Variants in PSMF1 observed in about 807,000 individuals in gnomAD.
PSMF1 encodes proteasome inhibitor PI31 subunit.
A neutral mutation model predicts 29.3 loss-of-function variants in PSMF1; 30 were observed. That is an observed-to-expected ratio of 1.02 (90% confidence interval 0.77 to 1.39). The LOEUF (loss-of-function observed/expected upper bound fraction) is 1.39, where lower values mean the gene tolerates loss of function less well. Ranked by LOEUF, PSMF1 falls within the 40% of genes most tolerant of loss-of-function variation. The probability of loss-of-function intolerance (pLI) is 0.00; values close to 1 mark genes in which losing one functional copy is unlikely to be tolerated. For missense variants in PSMF1, 344 were observed against 357.5 expected, an observed-to-expected ratio of 0.96 and a Z score of 0.31; for synonymous variants, 134 against 139.7, an observed-to-expected ratio of 0.96 and a Z score of 0.29.
In PSMF1 at chr20:1,170,457, A is replaced by G. The variant is rs1017693353; in HGVS notation, c.*5377A>G. On this transcript the variant is annotated 3_prime_UTR_variant, in exon 7 of 7. Transcript: ENST00000335877. ...CCCATGGGTCACTTAGATGTGTTTC[A>G]TGTTATCTTTAAAAATGCAGCACCT... 7.2e-5 allele frequency among the ~76,000 whole-genome samples: 11 copies of G among 152,146 alleles called. No individual in the cohort carries two copies. The highest frequency in any genetic ancestry group is 2.7e-4 in the African/African-American group (11 of 41,420).
chr20:1,140,154 C>G (rs533036200), intron 4 of PSMF1, among the ~76,000 whole-genome samples: 1 of 152,146 alleles, frequency 6.6e-6, no homozygotes, highest in Non-Finnish European at 1.5e-5. Context: ...CTAAAACAAT[C>G]TCAAAGAAAA....
chr20:1,118,564 C>G (rs1043681301), upstream of PSMF1: 29 of 510,294 alleles, frequency 5.7e-5, no homozygotes, highest in Non-Finnish European at 9.3e-5. Flanking sequence ...CAACCCGGCG[C>G]GCCTCACGCA....
intron 3 of PSMF1, among the ~76,000 whole-genome samples, chr20:1,129,060 T>C (rs761879338): frequency 4.6e-5 from 7 of 152,124 alleles, no homozygotes; most frequent in African/African-American, 1.7e-4. Flanking sequence ...TTTTGTATTT[T>C]AGTAGAGATG....
In PSMF1 at chr20:1,118,793, T is replaced by C. The variant is rs11557004; in HGVS notation, c.20T>C (p.Leu7Pro). 1 of 1,612,830 alleles carries C rather than the reference T, an allele frequency of 6.2e-7. No individual in the cohort carries two copies. Among genetic ancestry groups the C allele is most frequent in the Non-Finnish European group, 8.5e-7 (1 of 1,179,438 alleles). The stretch of plus-strand genomic sequence containing the variant: ...GCGCTCATGGCGGGCCTGGAGGTAC[T>C]GTTCGCATCGGCAGCGCCGGCCATC... Reference protein sequence around the residue: MAGLEVLFASAAPAITC... With the variant: MAGLEVPFASAAPAITC... The change falls in exon 1 of 7, where the codon CTG (leucine) becomes CCG (proline). Residue 7 changes from leucine (L) to proline (P), a missense_variant. By Grantham distance (98) the Leu-to-Pro change is moderately conservative (BLOSUM62 -3). Coordinates refer to ENST00000335877, the MANE Select transcript of PSMF1 (RefSeq NM_006814.5).
At chr20:1,118,985 C>T in intron 1 of PSMF1, 83 bp downstream of exon 1, 1 of 1,513,580 alleles carries the variant, frequency 6.6e-7, no homozygotes, top group Non-Finnish European at 9.0e-7. Flanking sequence ...TCCAGAGCGC[C>T]CGATTTCCCC....
At chr20:1,118,035 G>C (rs1439222456), upstream of PSMF1, 1 of 152,220 alleles carries the variant, frequency 6.6e-6, no homozygotes, top group Non-Finnish European at 1.5e-5. Flanking sequence ...GAGTTGTTGA[G>C]AGGGTGATGT....
chr20:1,122,866 C>G (rs1284396892), intron 1 of PSMF1, among the ~76,000 whole-genome samples: 1 of 152,084 alleles, frequency 6.6e-6, no homozygotes, highest in East Asian at 1.9e-4. Flanking sequence ...GGTGAGCAGA[C>G]CAAATTGTTT....
chr20:1,124,535 C>T (rs1600141188), intron 1 of PSMF1, among the ~76,000 whole-genome samples: 1 of 128,232 alleles, frequency 7.8e-6, no homozygotes. Flanking sequence ...AGCTTTTCCT[C>T]CATGCATACT....
At chr20:1,139,758 C>T (rs1435934496) in intron 4 of PSMF1, among the ~76,000 whole-genome samples, 262 of 7,490 alleles carry the variant, frequency 0.035, 2 homozygotes, top group Non-Finnish European at 0.062. Flanking sequence ...AAAAAAAAAA[C>T]GATAAAAATC....
rs2086700282 is a variant in PSMF1 at position 1,164,219 on chromosome 20, G to A, written c.606-99G>A. 1.6e-6 allele frequency: 2 copies of A among 1,270,210 alleles called. No individual in the cohort carries two copies. The highest frequency in any genetic ancestry group is 2.3e-6 in the Non-Finnish European group (2 of 879,066). The allele number at this position is 1,270,210 out of a possible 1,614,324, so 78.7% of individuals were successfully genotyped here. Reference sequence around the variant, plus strand: ...ATGTCTGCTTGGGCCATCCAGAGTAGACATCCCAGCCATTCTTGGTGCATT... The same window carrying A: ...ATGTCTGCTTGGGCCATCCAGAGTAAACATCCCAGCCATTCTTGGTGCATT... On this transcript the variant is annotated intron_variant, in intron 5 of 6. Transcript: ENST00000335877. This position sits in a 1 kb window ranked among gnomAD's most constrained non-coding sequence, Gnocchi z 4.1.
In PSMF1 at chr20:1,172,246, A is replaced by G. The variant is rs1030841015; in HGVS notation, c.*7166A>G. On this transcript the variant is annotated 3_prime_UTR_variant, in exon 7 of 7. Coordinates refer to ENST00000335877, the MANE Select transcript of PSMF1 (RefSeq NM_006814.5). Reference sequence around the variant, plus strand: ...TAAATTTGATAAGATGCATGATGGCAGCTATTAGAGTTTTGACTCTGTTCT... The same window carrying G: ...TAAATTTGATAAGATGCATGATGGCGGCTATTAGAGTTTTGACTCTGTTCT... Among the ~76,000 whole-genome samples the G allele has an allele frequency of 6.6e-6, 1 of 152,248 alleles. No homozygotes were observed. The highest frequency in any genetic ancestry group is 1.5e-5 in the Non-Finnish European group (1 of 68,042).
chr20:1,119,312 C>T (rs570086149), intron 1 of PSMF1, among the ~76,000 whole-genome samples: 18 of 152,252 alleles, frequency 1.2e-4, no homozygotes, highest in Admixed American at 1.2e-3. Context: ...CTCAGTTCCG[C>T]CCTCATACCA....
rs1600180329 is a variant in PSMF1, at chr20:1,167,317, A to T, written c.*2237A>T. 6.7e-6 allele frequency: 1 copy of T among 149,396 alleles called. No homozygotes were observed. The highest frequency in any genetic ancestry group is 2.6e-5 in the African/African-American group (1 of 38,768). The allele number at this position is 149,396 out of a possible 1,614,324, so 9.3% of individuals were successfully genotyped here. A position where few individuals can be genotyped will look rare whatever the true frequency, so the allele number is the denominator to read the frequency against. On this transcript the variant is annotated 3_prime_UTR_variant, in exon 7 of 7. Coordinates refer to ENST00000335877, the MANE Select transcript of PSMF1 (RefSeq NM_006814.5). ...GCCTTAACAATAAACATCAGCACTA[A>T]GTGACCTGTTCCTCCTTTTTTAAAT... is the stretch of plus-strand genomic sequence containing the variant.
chr20:1,161,630 C>G, intron 4 of PSMF1: 2 of 677,532 alleles, frequency 3.0e-6, no homozygotes. Flanking sequence ...CACCTTCCAG[C>G]AGATGTGGAT....
chr20:1,147,715 C>T (rs2086472402), intron 4 of PSMF1, among the ~76,000 whole-genome samples: 1 of 152,186 alleles, frequency 6.6e-6, no homozygotes, highest in African/African-American at 2.4e-5. Context: ...CCTGCTTATT[C>T]CTTGGCCAGC....
chr20:1,138,512 G>A (rs532522931), intron 4 of PSMF1, among the ~76,000 whole-genome samples: 1 of 105,040 alleles, frequency 9.5e-6, no homozygotes, highest in African/African-American at 4.2e-5. Context: ...AACAGAGACT[G>A]CATCTCAAAA....
At chr20:1,128,977 G>A (rs1348959264) in intron 3 of PSMF1, among the ~76,000 whole-genome samples, 7 of 152,192 alleles carry the variant, frequency 4.6e-5, no homozygotes, top group South Asian at 2.1e-4. Flanking sequence ...CCGGGTTCAC[G>A]CCATTCTCCT....
At chr20:1,135,372 T>G in intron 4 of PSMF1, 66 bp downstream of exon 4, 2 of 1,469,002 alleles carry the variant, frequency 1.4e-6, no homozygotes, top group Non-Finnish European at 9.2e-7. Flanking sequence ...GCTATCCCCA[T>G]CCTGCCACTT....
intron 1 of PSMF1, among the ~76,000 whole-genome samples, chr20:1,125,046 A>G (rs1413891465): frequency 6.6e-6 from 1 of 152,212 alleles, no homozygotes; most frequent in African/African-American, 2.4e-5. Context: ...TTATGAAATT[A>G]TAATTTTTGT....
Sources: allele counts gnomAD v4.1 joint callset (sites outside exome capture counted in the v4.1 genomes callset), GRCh38; gene constraint gnomAD v4.1.1; non-coding constraint Gnocchi (gnomAD v3.1); transcripts MANE v1.5; gene names NCBI Gene and HGNC (gene_info 2026-07-23, HGNC 2026-07-21).